Variants in KAZN observed in about 807,000 individuals in gnomAD.
KAZN encodes the protein kazrin.
Under a neutral mutation model 87.4 loss-of-function variants are expected in KAZN, and 40 were observed. That is an observed-to-expected ratio of 0.46 (90% CI 0.36 to 0.60). The LOEUF is 0.60. Among genes scored for constraint, KAZN ranks in the 20% least tolerant of loss-of-function variants. The pLI is 0.00. For missense variants in KAZN, 898 were observed against 1,073.9 expected, an observed-to-expected ratio of 0.84 and a Z score of 2.29; for synonymous variants, 466 against 458.3, an observed-to-expected ratio of 1.02 and a Z score of -0.22.
At chr1:14,857,628 G>GC (rs1350061006) in intron 1 of KAZN, among the ~76,000 whole-genome samples, 4 of 152,144 alleles carry the variant, frequency 2.6e-5, no homozygotes, top group African/African-American at 4.8e-5. Context: ...AATGTTGAGG[G>GC]CGCCCGCTGG....
intron 1 of KAZN, among the ~76,000 whole-genome samples, chr1:14,922,142 T>C (rs2101498647): frequency 6.6e-6 from 1 of 152,198 alleles, no homozygotes; most frequent in East Asian, 1.9e-4. Context: ...TTCCTAAGTG[T>C]TTAATATGCC....
intron 1 of KAZN, among the ~76,000 whole-genome samples, chr1:14,946,351 T>C (rs2101673724): frequency 6.6e-6 from 1 of 151,492 alleles, no homozygotes; most frequent in African/African-American, 2.4e-5. Flanking sequence ...TCTTTTTTTT[T>C]TTTTGAGATG....
chr1:14,242,786 A>G (rs1378260331), intron 2 of KAZN, among the ~76,000 whole-genome samples: 2 of 152,174 alleles, frequency 1.3e-5, no homozygotes, highest in Non-Finnish European at 2.9e-5. Flanking sequence ...TCCCAGAATC[A>G]GTGTCCTTTG....
At chr1:14,728,217 C>T (rs866939929) in intron 1 of KAZN, among the ~76,000 whole-genome samples, 6 of 133,392 alleles carry the variant, frequency 4.5e-5, no homozygotes, top group Admixed American at 8.6e-5. Context: ...ACTTGGGAGG[C>T]GGAGGTTGCA....
At chr1:14,024,830 C>G (rs533041777) in intron 1 of KAZN, among the ~76,000 whole-genome samples, 1 of 152,212 alleles carries the variant, frequency 6.6e-6, no homozygotes, top group African/African-American at 2.4e-5. Flanking sequence ...AAGGCACTGA[C>G]GCTTAGGCTT....
intron 8 of KAZN, 50 bp downstream of exon 8, chr1:15,065,803 G>C: frequency 1.3e-6 from 2 of 1,597,510 alleles, no homozygotes; most frequent in Non-Finnish European, 1.7e-6. Context: ...GGTGATACGC[G>C]CTCCCCTGCG....
intron 1 of KAZN, among the ~76,000 whole-genome samples, chr1:14,126,410 A>C (rs1032158310): frequency 2.0e-5 from 3 of 148,504 alleles, no homozygotes; most frequent in Non-Finnish European, 4.5e-5. Flanking sequence ...GAAGAAACGG[A>C]AGTGTAAAAG....
chr1:15,061,406 G>A (rs1009177141), intron 6 of KAZN: 1 of 152,248 alleles, frequency 6.6e-6, no homozygotes, highest in Non-Finnish European at 1.5e-5. Flanking sequence ...GCTCAGGTGG[G>A]CGGCAGAGAT....
intron 2 of KAZN, among the ~76,000 whole-genome samples, chr1:14,427,441 A>G (rs1260625823): frequency 6.6e-6 from 1 of 152,208 alleles, no homozygotes; most frequent in Non-Finnish European, 1.5e-5. Context: ...TGTTTTTTGT[A>G]GAAGTTATCC....
intron 2 of KAZN, among the ~76,000 whole-genome samples, chr1:14,545,231 G>A (rs1423004060): frequency 2.6e-5 from 4 of 152,180 alleles, no homozygotes; most frequent in Non-Finnish European, 4.4e-5. Flanking sequence ...TTTCCACGGT[G>A]TTACTGACTT....
intron 1 of KAZN, among the ~76,000 whole-genome samples, chr1:14,105,149 G>A (rs2101655160): frequency 6.6e-6 from 1 of 152,316 alleles, no homozygotes; most frequent in South Asian, 2.1e-4. Flanking sequence ...CTATCTGGGA[G>A]GGTCAGCCCA....
chr1:14,951,725 G>A (rs1457719841), intron 1 of KAZN, among the ~76,000 whole-genome samples: 2 of 152,032 alleles, frequency 1.3e-5, no homozygotes, highest in Admixed American at 6.5e-5. Flanking sequence ...TGATCTACCC[G>A]CCTCAGCTTC....
chr1:14,375,793 C>T (rs2101031364), intron 2 of KAZN, among the ~76,000 whole-genome samples: 1 of 152,218 alleles, frequency 6.6e-6, no homozygotes, highest in South Asian at 2.1e-4. Context: ...GAGGCTGAGG[C>T]AGGAGAATGG....
rs545569804 is a variant in KAZN at position 13,931,703 on chromosome 1, C to A, written c.91+37947C>A. Among the ~76,000 whole-genome samples the A allele has an allele frequency of 7.9e-5, 12 of 152,036 alleles. No individual in the cohort carries two copies. The South Asian group carries it at 2.3e-3, about 29-fold the overall frequency. On this transcript the variant is annotated intron_variant, in intron 1 of 16. Coordinates refer to the KAZN transcript ENST00000636203. ...GTCATGTGTGTGTGTGTATTTGGCC[C>A]CTAGTATATTAATGTTAATTCTTAT... is the stretch of plus-strand genomic sequence containing the variant.
chr1:14,874,568 C>T (rs1652549193), intron 1 of KAZN, among the ~76,000 whole-genome samples: 2 of 152,190 alleles, frequency 1.3e-5, no homozygotes, highest in African/African-American at 4.8e-5. Flanking sequence ...AACTTAACTA[C>T]TGCAGGTAAC....
chr1:14,859,269 A>C (rs1650554565), intron 1 of KAZN, among the ~76,000 whole-genome samples: 1 of 152,010 alleles, frequency 6.6e-6, no homozygotes, highest in African/African-American at 2.4e-5. Context: ...TTCTGTAGCA[A>C]GCACGTTTCA....
At chr1:14,900,138 C>T (rs1655697705) in intron 1 of KAZN, among the ~76,000 whole-genome samples, 1 of 152,198 alleles carries the variant, frequency 6.6e-6, no homozygotes, top group South Asian at 2.1e-4. Flanking sequence ...ATGGCTATGA[C>T]ATGGGGTTTG....
intron 1 of KAZN, among the ~76,000 whole-genome samples, chr1:14,107,809 G>A (rs151296371): frequency 0.013 from 1,930 of 152,260 alleles, 18 homozygotes; most frequent in Middle Eastern, 0.058. Context: ...TTTACCAAGT[G>A]GGAAAGGAGA....
chr1:14,361,037 C>T (rs1659463142), intron 2 of KAZN, among the ~76,000 whole-genome samples: 1 of 152,204 alleles, frequency 6.6e-6, no homozygotes, highest in Non-Finnish European at 1.5e-5. Context: ...AGCTGCACAG[C>T]TGCCCCTTGC....
Sources: gnomAD v4.1 joint callset for allele counts (sites outside exome capture counted in the v4.1 genomes callset) on GRCh38, gnomAD v4.1.1 for gene constraint, MANE v1.5 for transcripts, NCBI Gene and HGNC (gene_info 2026-07-23, HGNC 2026-07-21) for gene names.